DAPK2: variants seen among roughly 807,000 people sequenced by gnomAD.
DAPK2 encodes death associated protein kinase 2.
In DAPK2, 35 loss-of-function variants were observed where a neutral mutation model predicts 44.1. The observed-to-expected ratio is 0.79, with a 90% CI of 0.61 to 1.05. DAPK2 has a LOEUF of 1.05. Ranked by LOEUF, DAPK2 falls within the 50% of genes least tolerant of loss-of-function variation. The pLI is 0.00. For synonymous variants in DAPK2, 174 were observed against 182.6 expected (o/e 0.95, Z 0.38); for missense variants, 453 against 483.2 (o/e 0.94, Z 0.59).
chr15:63,951,733 C>T (rs2077592821), intron 3 of DAPK2, among the ~76,000 whole-genome samples: 1 of 152,194 alleles, frequency 6.6e-6, no homozygotes, highest in Non-Finnish European at 1.5e-5. Flanking sequence ...AACAAATGTT[C>T]ATATCAGTAA....
At chr15:64,045,052 A>T (rs888669805), upstream of DAPK2, among the ~76,000 whole-genome samples, 4 of 152,072 alleles carry the variant, frequency 2.6e-5, no homozygotes, top group Non-Finnish European at 5.9e-5. Flanking sequence ...GACACAAGAA[A>T]AACTTGGTCT....
chr15:64,002,959 T>TCGTGGGAC (rs1567266518), intron 1 of DAPK2, among the ~76,000 whole-genome samples: 6 of 103,176 alleles, frequency 5.8e-5, no homozygotes, highest in African/African-American at 1.9e-4. Flanking sequence ...TGTGTGTGTG[T>TCGTGGGAC]GTGTGTCGTG....
At chr15:63,945,512 C>T (rs1217204289) in intron 3 of DAPK2, among the ~76,000 whole-genome samples, 1 of 152,106 alleles carries the variant, frequency 6.6e-6, no homozygotes, top group South Asian at 2.1e-4. Flanking sequence ...CAGGAAGGAA[C>T]GGCACTAAGG....
Position 63,939,749 on chromosome 15 carries a change from G to C in DAPK2, c.454-388C>G, listed in dbSNP as rs1477009751. On this transcript the variant is annotated intron_variant, in intron 3 of 10. Transcript: ENST00000261891. This position sits in a 1 kb window ranked among gnomAD's most constrained non-coding sequence, Gnocchi z 4.3. ...GTAAACAAACCCAGCACTGCTGTGTGGGTGTGAAAGGGACGGGGACATCCC... is the reference window on the plus strand; with the variant it reads ...GTAAACAAACCCAGCACTGCTGTGTCGGTGTGAAAGGGACGGGGACATCCC... Among the ~76,000 whole-genome samples the C allele has an allele frequency of 6.6e-6, 1 of 152,158 alleles. No individual in the cohort carries two copies. Among genetic ancestry groups the C allele is most frequent in the African/African-American group, 2.4e-5 (1 of 41,422 alleles).
At chr15:63,924,347 C>T (rs1025459639) in intron 8 of DAPK2, among the ~76,000 whole-genome samples, 9 of 152,182 alleles carry the variant, frequency 5.9e-5, no homozygotes, top group African/African-American at 2.2e-4. Flanking sequence ...GGCCCCATTC[C>T]TCAGGGCCTG....
At chr15:64,002,956 G>GGTGGGGCC (rs1567266491) in intron 1 of DAPK2, among the ~76,000 whole-genome samples, 1 of 120,946 alleles carries the variant, frequency 8.3e-6, no homozygotes. Flanking sequence ...GTGTGTGTGT[G>GGTGGGGCC]TGTGTGTGTC....
chr15:64,022,663 CAA>C (rs1157874641), intron 1 of DAPK2, among the ~76,000 whole-genome samples: 3 of 152,002 alleles, frequency 2.0e-5, no homozygotes, highest in Admixed American at 1.3e-4. Context: ...AAAAAAATAA[CAA>C]AAAATTAGCT....
chr15:64,044,147 A>G (rs1377001472), upstream of DAPK2, among the ~76,000 whole-genome samples: 1 of 152,198 alleles, frequency 6.6e-6, no homozygotes, highest in Admixed American at 6.5e-5. Flanking sequence ...CTGAAATCAC[A>G]TGGCAGAGGG....
At chr15:63,940,094 C>A (rs1157452402) in intron 3 of DAPK2, among the ~76,000 whole-genome samples, 4 of 152,224 alleles carry the variant, frequency 2.6e-5, no homozygotes, top group Non-Finnish European at 5.9e-5. Flanking sequence ...ACACCCCAGA[C>A]TCCCAGTGAG....
intron 5 of DAPK2, 177 bp from the exon 7 acceptor site, chr15:63,929,754 G>A: frequency 1.3e-6 from 1 of 755,938 alleles, no homozygotes; most frequent in South Asian, 1.5e-5. Flanking sequence ...CCCGGGGTGT[G>A]TTTGGAGTCA....
chr15:63,922,244 C>T lies in DAPK2; in HGVS notation c.858+2572G>A, dbSNP rs970700052. On this transcript the variant is annotated intron_variant, in intron 8 of 10. Transcript: ENST00000261891. Reference sequence around the variant, plus strand: ...CATGAGTGCTTGGTAAGTGAAAAATCAATGCAAACGAAAGGCAATATTATT... The same window carrying T: ...CATGAGTGCTTGGTAAGTGAAAAATTAATGCAAACGAAAGGCAATATTATT... The T allele has an allele frequency of 6.1e-6, 6 of 983,286 alleles. No individual in the cohort carries two copies. In the African/African-American group the frequency reaches 1.1e-4, roughly 17 times the overall value. 60.9% of individuals were successfully genotyped at this position (983,286 alleles called of 1,614,324 possible). A position where few individuals can be genotyped will look rare whatever the true frequency, so the allele number is the denominator to read the frequency against.
intron 3 of DAPK2, among the ~76,000 whole-genome samples, chr15:63,959,902 T>C (rs193154850): frequency 3.3e-5 from 5 of 152,330 alleles, no homozygotes; most frequent in African/African-American, 1.2e-4. Context: ...TCTTTTTCTA[T>C]TGATTGGAAT....
At chr15:63,924,755 G>A in intron 8 of DAPK2, 61 bp downstream of exon 9, 1 of 1,593,910 alleles carries the variant, frequency 6.3e-7, no homozygotes, top group South Asian at 1.1e-5. Flanking sequence ...GGCTGCCCAG[G>A]CCAACCCTGG....
At chr15:63,956,866 C>T (rs768500033) in intron 3 of DAPK2, among the ~76,000 whole-genome samples, 19 of 152,202 alleles carry the variant, frequency 1.2e-4, no homozygotes, top group African/African-American at 3.6e-4. Context: ...GGATTACAGG[C>T]GTGAGCCACT....
chr15:63,997,946 C>A (rs940060161), intron 1 of DAPK2, among the ~76,000 whole-genome samples: 8 of 152,214 alleles, frequency 5.3e-5, no homozygotes, highest in Admixed American at 3.9e-4. Flanking sequence ...CTGATCCACA[C>A]AAGTGCCCAC....
intron 6 of DAPK2, 109 bp from the exon 8 acceptor site, chr15:63,926,202 C>T: frequency 1.6e-6 from 2 of 1,263,748 alleles, no homozygotes; most frequent in African/African-American, 1.5e-5. Context: ...CTGGAAGGCT[C>T]CCAGCAACAC....
intron 1 of DAPK2, among the ~76,000 whole-genome samples, chr15:64,018,235 G>A (rs2079586678): frequency 1.3e-5 from 2 of 152,094 alleles, no homozygotes; most frequent in Admixed American, 6.5e-5. Flanking sequence ...CTCAAATGAC[G>A]GTTTGCAGGT....
intron 4 of DAPK2, among the ~76,000 whole-genome samples, chr15:63,938,382 C>T (rs1243298107): frequency 6.6e-6 from 1 of 152,218 alleles, no homozygotes; most frequent in East Asian, 1.9e-4. Context: ...TGGCACACAG[C>T]AAGGGCTTCC....
chr15:63,997,648 T>C (rs1250055262), intron 1 of DAPK2, among the ~76,000 whole-genome samples: 1 of 152,170 alleles, frequency 6.6e-6, no homozygotes, highest in African/African-American at 2.4e-5. Context: ...CAATTTAAAA[T>C]GGACCCTAGC....
Sources: allele counts gnomAD v4.1 joint callset (sites outside exome capture counted in the v4.1 genomes callset), GRCh38; gene constraint gnomAD v4.1.1; non-coding constraint Gnocchi (gnomAD v3.1); transcripts MANE v1.5; gene names NCBI Gene and HGNC (gene_info 2026-07-23, HGNC 2026-07-21).